Variants in VWA5A observed in about 807,000 individuals in gnomAD.
VWA5A encodes von Willebrand factor A domain-containing protein 5A.
VWA5A carries 77 observed loss-of-function variants against 84.6 expected under a neutral mutation model. That is an observed-to-expected ratio of 0.91 (90% CI 0.76 to 1.10). VWA5A has a LOEUF of 1.10. Ranked by LOEUF, VWA5A falls within the 50% of genes least tolerant of loss-of-function variation. VWA5A has a pLI of 0.00. For missense variants in VWA5A, 973 were observed against 963.0 expected, an observed-to-expected ratio of 1.01 and a Z score of -0.14; for synonymous variants, 334 against 350.1, an observed-to-expected ratio of 0.95 and a Z score of 0.51.
At chr11:124,127,675 C>T (rs1865039375) in intron 11 of VWA5A, among the ~76,000 whole-genome samples, 1 of 152,194 alleles carries the variant, frequency 6.6e-6, no homozygotes, top group South Asian at 2.1e-4. Flanking sequence ...TCTCCAGCAT[C>T]TGTTGTTTCC....
chr11:124,123,829 G>T, intron 10 of VWA5A, 25 bp downstream of exon 10: 1 of 1,532,172 alleles, frequency 6.5e-7, no homozygotes, highest in African/African-American at 1.4e-5. Flanking sequence ...AGAGCTAACA[G>T]AAGAGACAGG....
At chr11:124,127,399 C>T (rs888232016) in intron 11 of VWA5A, among the ~76,000 whole-genome samples, 4 of 152,160 alleles carry the variant, frequency 2.6e-5, no homozygotes, top group African/African-American at 9.7e-5. Context: ...GCCACATTTT[C>T]TTTATCCAGT....
intron 11 of VWA5A, among the ~76,000 whole-genome samples, chr11:124,132,893 G>T (rs1865119085): frequency 6.6e-6 from 1 of 152,204 alleles, no homozygotes; most frequent in Non-Finnish European, 1.5e-5. Flanking sequence ...CAGAGCTATA[G>T]ATCTAAGCAC....
chr11:124,132,025 C>T (rs994744754), intron 11 of VWA5A, among the ~76,000 whole-genome samples: 1 of 151,762 alleles, frequency 6.6e-6, no homozygotes, highest in African/African-American at 2.4e-5. Flanking sequence ...GTTCTTTTCT[C>T]TCTTTTCTTT....
rs771059199 is a variant in VWA5A at position 124,145,947 on chromosome 11, G to T, written c.*2G>T. 166 of 1,582,178 alleles carry T rather than the reference G, an allele frequency of 1.0e-4. No homozygotes were observed. The highest frequency in any genetic ancestry group is 1.3e-4 in the Non-Finnish European group (154 of 1,160,010). On this transcript the variant is annotated 3_prime_UTR_variant, in exon 19 of 19. Coordinates refer to ENST00000456829, the MANE Select transcript of VWA5A (RefSeq NM_001130142.2). ...GATCCTGCTATCTTTGCCTTTTGAAGATACCATCCAGAAAAAGAAGTGCCT... is the reference window on the plus strand; with the variant it reads ...GATCCTGCTATCTTTGCCTTTTGAATATACCATCCAGAAAAAGAAGTGCCT...
intron 7 of VWA5A, among the ~76,000 whole-genome samples, chr11:124,120,868 G>A (rs1864921235): frequency 6.6e-6 from 1 of 152,192 alleles, no homozygotes; most frequent in Non-Finnish European, 1.5e-5. Context: ...GGTAAGGATT[G>A]AGATCTCAGT....
chr11:124,146,665 C>A lies in VWA5A; in HGVS notation c.*720C>A, dbSNP rs1437939203. On this transcript the variant is annotated 3_prime_UTR_variant, in exon 19 of 19. Transcript: ENST00000456829. Reference sequence around the variant, plus strand: ...TGCAATCCTTAGTCCTACCCTGAACCTATGTGTCCTCTAAGTCAGGCCCTG... The same window carrying A: ...TGCAATCCTTAGTCCTACCCTGAACATATGTGTCCTCTAAGTCAGGCCCTG... The A allele has an allele frequency of 6.6e-6, 1 of 152,134 alleles. No individual in the cohort carries two copies. Among genetic ancestry groups the A allele is most frequent in the Non-Finnish European group, 1.5e-5 (1 of 68,074 alleles). 9.4% of individuals were successfully genotyped at this position (152,134 alleles called of 1,614,324 possible). A position where few individuals can be genotyped will look rare whatever the true frequency, so the allele number is the denominator to read the frequency against.
Position 124,136,137 on chromosome 11 carries a change from G to T in VWA5A, c.1368G>T (p.Arg456Ser). The T allele has an allele frequency of 1.2e-6, 2 of 1,613,956 alleles. No homozygotes were observed. Among genetic ancestry groups the T allele is most frequent in the Non-Finnish European group, 8.5e-7 (1 of 1,179,970 alleles). Residue 456 changes from arginine to serine, a missense_variant, in exon 13 of 19, where the codon AGG (arginine) becomes AGT (serine). Arg to Ser is a moderately radical substitution (Grantham distance 110). Transcript: ENST00000456829. ...TCTCTTCCCCACATTAGGCTCTCAGGACTCTGAAACGCTCTCTGCAGCCTG... is the reference window on the plus strand; with the variant it reads ...TCTCTTCCCCACATTAGGCTCTCAGTACTCTGAAACGCTCTCTGCAGCCTG... ...GKDRMQSKAL[R>S]TLKRSLQPVV...
chr11:124,124,072 C>T (rs181789942), intron 10 of VWA5A, among the ~76,000 whole-genome samples, 165 bp from the exon 11 acceptor site: 86 of 152,240 alleles, frequency 5.6e-4, no homozygotes, highest in Non-Finnish European at 6.9e-4. Context: ...CTGAACAGAT[C>T]ATGTGAGAAT....
chr11:124,127,322 C>T (rs976690994), intron 11 of VWA5A, among the ~76,000 whole-genome samples: 21 of 152,236 alleles, frequency 1.4e-4, no homozygotes, highest in African/African-American at 3.6e-4. Flanking sequence ...CAACTTCATC[C>T]GTGTCCCTGC....
At chr11:124,145,149 A>T (rs1860795491) in intron 17 of VWA5A, 88 bp from the exon 18 acceptor site, 1 of 1,481,910 alleles carries the variant, frequency 6.7e-7, no homozygotes, top group African/African-American at 1.4e-5. Flanking sequence ...TGACATTTAG[A>T]AGGATGCTAA....
intron 11 of VWA5A, among the ~76,000 whole-genome samples, chr11:124,134,520 C>A (rs1865144202): frequency 1.3e-5 from 2 of 152,166 alleles, no homozygotes; most frequent in African/African-American, 4.8e-5. Context: ...GATATGGTAC[C>A]AGCACATCAT....
chr11:124,130,034 T>A (rs1865074882), intron 11 of VWA5A, among the ~76,000 whole-genome samples: 1 of 152,178 alleles, frequency 6.6e-6, no homozygotes, highest in Admixed American at 6.5e-5. Flanking sequence ...TTGAATGTGT[T>A]TGCTCTTGCT....
chr11:124,124,159 G>A, intron 10 of VWA5A, 78 bp from the exon 11 acceptor site: 1 of 1,394,454 alleles, frequency 7.2e-7, no homozygotes, highest in South Asian at 1.2e-5. Flanking sequence ...TGAAATAGGT[G>A]GATTTTTCAA....
At chr11:124,128,321 G>A (rs909832312) in intron 11 of VWA5A, among the ~76,000 whole-genome samples, 1 of 152,150 alleles carries the variant, frequency 6.6e-6, no homozygotes, top group African/African-American at 2.4e-5. Context: ...TTAGATGGTT[G>A]TAGATGTGTG....
At chr11:124,128,600 C>T (rs925398869) in intron 11 of VWA5A, among the ~76,000 whole-genome samples, 18 of 152,070 alleles carry the variant, frequency 1.2e-4, no homozygotes, top group African/African-American at 4.1e-4. Flanking sequence ...AATATTGATT[C>T]TTCCTATCCA....
rs775375056 is a variant in VWA5A at position 124,118,360 on chromosome 11, G to C, written c.418G>C (p.Ala140Pro). 22 of 1,614,216 alleles carry C rather than the reference G, an allele frequency of 1.4e-5. No homozygotes were observed. Among genetic ancestry groups the C allele is most frequent in the Non-Finnish European group, 1.7e-5 (20 of 1,180,042 alleles). The change falls in exon 5 of 19, where the codon GCT (alanine) becomes CCT (proline). Residue 140 changes from alanine to proline, a missense_variant. Ala to Pro is a conservative substitution (Grantham distance 27, BLOSUM62 -1). Coordinates refer to ENST00000456829, the MANE Select transcript of VWA5A (RefSeq NM_001130142.2). ...GGAGCTGCCTCTGGAAGCAGATGGG[G>C]CTCTGCGCTTTGTGCTCCCAGCTGT... ...VQELPLEADGALRFVLPAVLN... is the reference protein window; with the variant it reads ...VQELPLEADGPLRFVLPAVLN...
chr11:124,141,609 G>A lies in VWA5A; in HGVS notation c.1891G>A (p.Ala631Thr), dbSNP rs765781646. The A allele has an allele frequency of 1.9e-6, 3 of 1,614,058 alleles. No homozygotes were observed. Among genetic ancestry groups the A allele is most frequent in the Non-Finnish European group, 1.7e-6 (2 of 1,180,002 alleles). The change falls in exon 16 of 19, where the codon GCC (alanine) becomes ACC (threonine). Residue 631 changes from alanine to threonine, a missense_variant. Physicochemically the swap from Ala to Thr is moderately conservative, Grantham distance 58. Coordinates refer to ENST00000456829, the MANE Select transcript of VWA5A (RefSeq NM_001130142.2). The part of the protein sequence containing the change: ...KIKCQSGFRK[A>T]LHSDRPPSAS... Reference sequence around the variant, plus strand: ...TTGGATTTTTTCAGGTTTTCGAAAGGCCTTACACTCTGACCGTCCTCCTTC... The same window carrying A: ...TTGGATTTTTTCAGGTTTTCGAAAGACCTTACACTCTGACCGTCCTCCTTC...
In VWA5A at chr11:124,117,437, C is replaced by A. The variant is rs180884091; in HGVS notation, c.-15-60C>A. 1.6e-4 allele frequency: 230 copies of A among 1,460,372 alleles called. 5 individuals are homozygous for A. In the East Asian group the frequency reaches 5.0e-3, roughly 32 times the overall value. 90.5% of individuals were successfully genotyped at this position (1,460,372 alleles called of 1,614,324 possible). A position where few individuals can be genotyped will look rare whatever the true frequency, so the allele number is the denominator to read the frequency against. On this transcript the variant is annotated intron_variant, in intron 2 of 18. Coordinates refer to ENST00000456829, the MANE Select transcript of VWA5A (RefSeq NM_001130142.2). ...ATGCCAGAGAAAGGCACATAAAGTA[C>A]TGGTGTTTGAACAGATAACTTCCAA...
Sources: allele counts gnomAD v4.1 joint callset (sites outside exome capture counted in the v4.1 genomes callset), GRCh38; gene constraint gnomAD v4.1.1; transcripts MANE v1.5; gene names NCBI Gene and HGNC (gene_info 2026-07-23, HGNC 2026-07-21).